Variants in SI observed in about 807,000 individuals in gnomAD.
SI encodes the protein sucrase-isomaltase, intestinal.
SI carries 235 observed loss-of-function variants against 253.3 expected under a neutral mutation model. The ratio of observed to expected loss-of-function variants is 0.93; its 90% CI spans 0.83 to 1.03. The LOEUF is 1.03. SI is among the 50% of genes least tolerant of loss of function. SI has a pLI of 0.00. For missense variants in SI, 2,442 were observed against 2,211.1 expected (o/e 1.10, Z -2.09); for synonymous variants, 819 against 712.0 (o/e 1.15, Z -2.39).
Position 165,063,501 on chromosome 3 carries a change from C to A in SI, c.848G>T (p.Cys283Phe). Residue 283 changes from cysteine to phenylalanine, a missense_variant, in exon 8 of 48, where the codon TGT (cysteine) becomes TTT (phenylalanine). Coordinates refer to ENST00000264382, the MANE Select transcript of SI (RefSeq NM_001041.4). Reference sequence around the variant, plus strand: ...TGACTTTCCAGATGTATCTTCAATACACATAAAGAATGTTTGATGGCCGTA... The same window carrying A: ...TGACTTTCCAGATGTATCTTCAATAAACATAAAGAATGTTTGATGGCCGTA... ...NLYGHQTFFM[C>F]IEDTSGKSFG... The A allele has an allele frequency of 6.4e-7, 1 of 1,560,160 alleles. No individual in the cohort carries two copies. The highest frequency in any genetic ancestry group is 8.8e-7 in the Non-Finnish European group (1 of 1,137,642).
the SI span, among the ~76,000 whole-genome samples, chr3:165,083,928 A>C: frequency 2.6e-5 from 4 of 152,050 alleles, no homozygotes; most frequent in African/African-American, 9.7e-5. Context: ...GTTTGATGAC[A>C]AAAGTCTTAT....
At chr3:164,981,655 T>C (rs996984132) in intron 47 of SI, among the ~76,000 whole-genome samples, 2 of 152,138 alleles carry the variant, frequency 1.3e-5, no homozygotes, top group Admixed American at 1.3e-4. Flanking sequence ...AAGCCATAGA[T>C]TCACAGAATT....
Position 165,030,882 on chromosome 3 carries a change from AAAAAAAAAG to A in SI, c.2737-24_2737-16del. ...ATTAGGAGAACCTTTGAAGACAAAA[AAAAAAAAAG>A]AAAAAAAGAAAAAAAAAACACAAAC... On this transcript the variant is annotated splice_polypyrimidine_tract_variant and intron_variant, in intron 24 of 47. Transcript: ENST00000264382. The A allele has an allele frequency of 1.3e-6, 2 of 1,538,680 alleles. No individual in the cohort carries two copies. Among genetic ancestry groups the A allele is most frequent in the South Asian group, 1.3e-5 (1 of 79,976 alleles).
At chr3:165,033,907 T>C (rs1430869238) in intron 22 of SI, among the ~76,000 whole-genome samples, 3 of 151,474 alleles carry the variant, frequency 2.0e-5, no homozygotes, top group Non-Finnish European at 4.4e-5. Context: ...TGTTGAAGAT[T>C]GAAATAAACT....
chr3:164,996,652 C>T lies in SI; in HGVS notation c.4576-1G>A. ...AAAAACCACAGATGTCTGCTCCAGT[C>T]TAAAATATATTGTTATATTTAGTTA... On this transcript the variant is annotated splice_acceptor_variant, in intron 39 of 47. Coordinates refer to ENST00000264382, the MANE Select transcript of SI (RefSeq NM_001041.4). LOFTEE classifies it high-confidence loss of function. 1 of 1,523,838 alleles carries T rather than the reference C, an allele frequency of 6.6e-7. No individual in the cohort carries two copies. 94.4% of individuals were successfully genotyped at this position (1,523,838 alleles called of 1,614,324 possible).
chr3:164,979,457 G>T (rs371797492), intron 47 of SI, 27 bp from the exon 48 acceptor site: 1 of 1,242,776 alleles, frequency 8.0e-7, no homozygotes, highest in Non-Finnish European at 1.2e-6. Flanking sequence ...ATAATTAGTT[G>T]TTTAATCACA....
At position 165,077,888 on chromosome 3, in the gene SI, C is replaced by G. The variant is rs115541292; in HGVS notation, c.-1+545G>C. On this transcript the variant is annotated intron_variant, in intron 1 of 47. Coordinates refer to ENST00000264382, the MANE Select transcript of SI (RefSeq NM_001041.4). Reference sequence around the variant, plus strand: ...ATTACTGTGATAAAAAAATATGATCCCTGTAATTTTGGATTACAGTAATTT... The same window carrying G: ...ATTACTGTGATAAAAAAATATGATCGCTGTAATTTTGGATTACAGTAATTT... Among the ~76,000 whole-genome samples the G allele has an allele frequency of 4.4e-3, 661 of 151,246 alleles. 2 individuals carry two copies. Among genetic ancestry groups the G allele is most frequent in the African/African-American group, 0.015 (618 of 41,342 alleles).
At chr3:165,064,162 A>G (rs1714113019) in intron 7 of SI, among the ~76,000 whole-genome samples, 1 of 152,072 alleles carries the variant, frequency 6.6e-6, no homozygotes, top group South Asian at 2.1e-4. Flanking sequence ...AGGCCCATGT[A>G]TGCCCAAGGT....
intron 37 of SI, among the ~76,000 whole-genome samples, chr3:165,001,148 T>G (rs2108144066): frequency 6.6e-6 from 1 of 151,490 alleles, no homozygotes; most frequent in Non-Finnish European, 1.5e-5. Flanking sequence ...ACTATTATCT[T>G]CAATTACTGA....
intron 18 of SI, 76 bp from the exon 19 acceptor site, chr3:165,040,047 T>C (rs1712737342): frequency 8.6e-7 from 1 of 1,168,596 alleles, no homozygotes; most frequent in African/African-American, 1.5e-5. Flanking sequence ...AGTTTATCTT[T>C]TCAGTTTTTT....
chr3:165,014,971 G>A (rs530085546), intron 33 of SI, 152 bp downstream of exon 33: 1 of 615,718 alleles, frequency 1.6e-6, no homozygotes, highest in South Asian at 2.1e-5. Flanking sequence ...AATTTGGATT[G>A]AACCAAAGAC....
At chr3:165,059,813 G>T in intron 10 of SI, 89 bp downstream of exon 10, 1 of 1,311,518 alleles carries the variant, frequency 7.6e-7, no homozygotes, top group Non-Finnish European at 1.1e-6. Flanking sequence ...AATGTATATA[G>T]TAGATACTCC....
intron 19 of SI, among the ~76,000 whole-genome samples, chr3:165,039,553 T>C (rs868084345): frequency 6.6e-6 from 1 of 152,058 alleles, no homozygotes; most frequent in African/African-American, 2.4e-5. Flanking sequence ...TTATTTACAA[T>C]TGAGCAAAAT....
intron 13 of SI, among the ~76,000 whole-genome samples, chr3:165,052,090 A>C (rs989163829): frequency 1.3e-5 from 2 of 152,074 alleles, no homozygotes; most frequent in African/African-American, 4.8e-5. Flanking sequence ...AATATGTCTA[A>C]AGTATGTCTA....
chr3:165,051,211 A>G (rs1040809429), intron 13 of SI, among the ~76,000 whole-genome samples: 8 of 152,200 alleles, frequency 5.3e-5, no homozygotes, highest in Admixed American at 4.6e-4. Context: ...AAATATTCTC[A>G]TAAAAGTTTC....
Position 165,074,647 on chromosome 3 carries a change from T to C in SI, c.139A>G (p.Thr47Ala), listed in dbSNP as rs1714826560. Reference sequence around the variant, plus strand: ...GTAGTCACACGAGTAGTAGCTGGAGTTGAAGTAGAATCACTAATTTCTGGG... The same window carrying C: ...GTAGTCACACGAGTAGTAGCTGGAGCTGAAGTAGAATCACTAATTTCTGGG... ...AVDEISDSTS[T>A]PATTRVTTNP... Residue 47 changes from threonine to alanine, a missense_variant, in exon 3 of 48, where the codon ACT becomes GCT. Thr to Ala is a moderately conservative substitution (Grantham distance 58, BLOSUM62 0). Transcript: ENST00000264382. The C allele has an allele frequency of 1.2e-6, 2 of 1,609,996 alleles. No homozygotes were observed. The highest frequency in any genetic ancestry group is 1.1e-5 in the South Asian group (1 of 90,948).
chr3:165,063,245 T>A (rs1714067846), intron 8 of SI, among the ~76,000 whole-genome samples, 197 bp downstream of exon 8: 1 of 152,000 alleles, frequency 6.6e-6, no homozygotes, highest in African/African-American at 2.4e-5. Flanking sequence ...TAGCATACTC[T>A]CCCCAAAATA....
chr3:165,073,905 T>C (rs1398560921), intron 3 of SI, among the ~76,000 whole-genome samples: 1 of 152,044 alleles, frequency 6.6e-6, no homozygotes, highest in Non-Finnish European at 1.5e-5. Context: ...TCTGCAGATT[T>C]TGGTATCCTC....
intron 37 of SI, among the ~76,000 whole-genome samples, chr3:165,000,306 T>C (rs1371873693): frequency 1.3e-5 from 2 of 151,230 alleles, no homozygotes. Context: ...GCTTATCAGG[T>C]TGATAAGGAT....
Sources: allele counts gnomAD v4.1 joint callset (sites outside exome capture counted in the v4.1 genomes callset), GRCh38; gene constraint gnomAD v4.1.1; transcripts MANE v1.5; gene names NCBI Gene and HGNC (gene_info 2026-07-23, HGNC 2026-07-21).